DPP10: variants seen among roughly 807,000 people sequenced by gnomAD.
DPP10 encodes dipeptidyl peptidase like 10.
DPP10 carries 33 observed loss-of-function variants against 120.9 expected under a neutral mutation model. That is an observed-to-expected ratio of 0.27 (90% confidence interval 0.21 to 0.37). The LOEUF is 0.37. Among genes scored for constraint, DPP10 ranks in the 10% least tolerant of loss-of-function variants. DPP10 has a pLI of 1.00. For missense variants in DPP10, 816 were observed against 942.8 expected, an observed-to-expected ratio of 0.87 and a Z score of 1.76; for synonymous variants, 337 against 326.1, an observed-to-expected ratio of 1.03 and a Z score of -0.36.
intron 5 of DPP10, among the ~76,000 whole-genome samples, chr2:115,569,323 C>A (rs906489076): frequency 6.6e-6 from 1 of 151,982 alleles, no homozygotes; most frequent in Admixed American, 6.5e-5. Context: ...TTTAAAAAGA[C>A]AAAAGTTTGT....
At chr2:115,133,145 G>GTGTATATATATA (rs1338395575) in intron 1 of DPP10, among the ~76,000 whole-genome samples, 135 of 28,744 alleles carry the variant, frequency 4.7e-3, no homozygotes, top group Non-Finnish European at 6.5e-3. Flanking sequence ...GTGTGTGTGT[G>GTGTATATATATA]TATATATATA....
intron 7 of DPP10, among the ~76,000 whole-genome samples, chr2:115,711,926 T>TG (rs2092331610): frequency 6.7e-6 from 1 of 148,956 alleles, no homozygotes; most frequent in Admixed American, 6.7e-5. Context: ...GTTTTTTTTT[T>TG]TTTTTTTTTT....
rs536092248 is a variant in DPP10 at position 115,593,436 on chromosome 2, A to G, written c.441+67464A>G. On this transcript the variant is annotated intron_variant, in intron 5 of 25. Coordinates refer to ENST00000410059, the MANE Select transcript of DPP10 (RefSeq NM_020868.6). ...GAAATCCACACATCAGCAGGGAGGCATGAAGGTTGTTCATATATAAGTTGC... is the reference window on the plus strand; with the variant it reads ...GAAATCCACACATCAGCAGGGAGGCGTGAAGGTTGTTCATATATAAGTTGC... Among the ~76,000 whole-genome samples the G allele has an allele frequency of 3.9e-4, 60 of 152,344 alleles. No homozygotes were observed. The South Asian group carries it at 0.011, about 29-fold the overall frequency.
chr2:114,723,396 A>G (rs901750888), intron 1 of DPP10, among the ~76,000 whole-genome samples: 1 of 152,202 alleles, frequency 6.6e-6, no homozygotes, highest in Non-Finnish European at 1.5e-5. Context: ...AATTGGAAAG[A>G]TGTACAACAG....
At chr2:114,471,404 A>G (rs1286469696) in intron 1 of DPP10, among the ~76,000 whole-genome samples, 1 of 152,210 alleles carries the variant, frequency 6.6e-6, no homozygotes, top group Non-Finnish European at 1.5e-5. Context: ...CTGTGCTGTT[A>G]GACAGATTCC....
At chr2:114,871,717 G>C (rs897760608) in intron 1 of DPP10, among the ~76,000 whole-genome samples, 6 of 152,046 alleles carry the variant, frequency 3.9e-5, no homozygotes, top group Non-Finnish European at 7.4e-5. Context: ...ATGGATGAGG[G>C]GTCCCCAACC....
chr2:115,810,913 A>G (rs1686572807), intron 19 of DPP10, among the ~76,000 whole-genome samples: 1 of 152,242 alleles, frequency 6.6e-6, no homozygotes, highest in Admixed American at 6.5e-5. Flanking sequence ...TGCACAGCCA[A>G]TACACACATG....
chr2:114,654,370 T>G (rs1183539845), intron 1 of DPP10, among the ~76,000 whole-genome samples: 1 of 152,128 alleles, frequency 6.6e-6, no homozygotes, highest in Admixed American at 6.6e-5. Context: ...TACTGGCTGT[T>G]GCAAACAATT....
chr2:114,768,402 T>C (rs913371823), intron 1 of DPP10, among the ~76,000 whole-genome samples: 1 of 152,182 alleles, frequency 6.6e-6, no homozygotes, highest in Admixed American at 6.6e-5. Flanking sequence ...GAATAAATGA[T>C]CACGACAACA....
chr2:115,773,542 C>T (rs574936764), intron 13 of DPP10, among the ~76,000 whole-genome samples: 1 of 152,212 alleles, frequency 6.6e-6, no homozygotes, highest in South Asian at 2.1e-4. Context: ...CATTGTCATA[C>T]TGCCTTTATC....
chr2:114,657,966 C>A (rs1004571585), intron 1 of DPP10, among the ~76,000 whole-genome samples: 2 of 152,042 alleles, frequency 1.3e-5, no homozygotes, highest in Admixed American at 6.6e-5. Context: ...TAATCTACCA[C>A]CAGAAAATGC....
At chr2:114,877,812 G>T (rs1691279431) in intron 1 of DPP10, among the ~76,000 whole-genome samples, 1 of 151,988 alleles carries the variant, frequency 6.6e-6, no homozygotes, top group South Asian at 2.1e-4. Context: ...TTCTTTTTGT[G>T]GGGGGCTCTT....
chr2:115,621,588 C>T (rs1241714574), intron 5 of DPP10, among the ~76,000 whole-genome samples: 1 of 152,034 alleles, frequency 6.6e-6, no homozygotes, highest in African/African-American at 2.4e-5. Flanking sequence ...AACATAACTC[C>T]GAGGTGTATT....
At chr2:114,897,859 A>T (rs1693169291) in intron 1 of DPP10, among the ~76,000 whole-genome samples, 1 of 151,876 alleles carries the variant, frequency 6.6e-6, no homozygotes, top group Non-Finnish European at 1.5e-5. Context: ...CAGGTGCTGG[A>T]GAGGATGTGG....
At position 115,309,306 on chromosome 2, in the gene DPP10, T is replaced by C. The variant is rs760963304; in HGVS notation, c.128T>C (p.Leu43Ser). 3 of 1,613,610 alleles carry C rather than the reference T, an allele frequency of 1.9e-6. No individual in the cohort carries two copies. The highest frequency in any genetic ancestry group is 2.2e-5 in the South Asian group (2 of 91,048). ...ATTGCTATTGCTCTGCTGGTGATTT[T>C]AGTTGTATGCTCACTCATCACTATG... ...KGIAIALLVILVVCSLITMSV... is the reference protein window; with the variant it reads ...KGIAIALLVISVVCSLITMSV... The change falls in exon 2 of 26, where the codon TTA (leucine) becomes TCA (serine). Residue 43 changes from leucine (L) to serine (S), a missense_variant. By Grantham distance (145) the Leu-to-Ser change is moderately radical (BLOSUM62 -2). This residue lies in a region of DPP10 where 182 missense variants were observed against 207.4 expected (regional missense o/e 0.88). Coordinates refer to ENST00000410059, the MANE Select transcript of DPP10 (RefSeq NM_020868.6).
chr2:115,119,125 A>G (rs532729133), intron 1 of DPP10, among the ~76,000 whole-genome samples: 2 of 152,220 alleles, frequency 1.3e-5, no homozygotes, highest in Admixed American at 1.3e-4. Context: ...CAGGCTGTCC[A>G]CATGCACAGG....
At chr2:115,013,764 T>C (rs1434973753) in intron 1 of DPP10, among the ~76,000 whole-genome samples, 1 of 149,652 alleles carries the variant, frequency 6.7e-6, no homozygotes, top group African/African-American at 2.5e-5. Context: ...TATTACATAA[T>C]GGATCGATGC....
intron 1 of DPP10, among the ~76,000 whole-genome samples, chr2:115,216,866 C>T (rs756187549): frequency 6.6e-6 from 1 of 151,630 alleles, no homozygotes; most frequent in East Asian, 2.0e-4. Context: ...TGTATTTGGA[C>T]ATAGACATAT....
chr2:115,282,027 A>T (rs2105879760), intron 1 of DPP10, among the ~76,000 whole-genome samples: 1 of 152,156 alleles, frequency 6.6e-6, no homozygotes, highest in South Asian at 2.1e-4. Flanking sequence ...ACTTTAAGGT[A>T]GGAGTGGGGA....
Sources: allele counts gnomAD v4.1 joint callset (sites outside exome capture counted in the v4.1 genomes callset), GRCh38; gene constraint gnomAD v4.1.1; regional missense constraint gnomAD v4.1.1; transcripts MANE v1.5; gene names NCBI Gene and HGNC (gene_info 2026-07-23, HGNC 2026-07-21).